MIS18A: variants seen among roughly 807,000 people sequenced by gnomAD.
MIS18A encodes protein Mis18-alpha.
In MIS18A, 14 loss-of-function variants were observed where a neutral mutation model predicts 25.0. The observed-to-expected ratio is 0.56, with a 90% confidence interval of 0.37 to 0.88. The LOEUF is 0.88. Ranked by LOEUF, MIS18A falls within the 40% of genes least tolerant of loss-of-function variation. The probability of loss-of-function intolerance (pLI) is 0.00; values close to 1 mark genes in which losing one functional copy is unlikely to be tolerated. For synonymous variants in MIS18A, 134 were observed against 118.6 expected, an observed-to-expected ratio of 1.13 and a Z score of -0.84; for missense variants, 292 against 290.8, an observed-to-expected ratio of 1.00 and a Z score of -0.03.
chr21:32,260,296 A>G, the MIS18A span: 1 of 152,198 alleles, frequency 6.6e-6, no homozygotes, highest in Non-Finnish European at 1.5e-5. Context: ...GGGAGAAATG[A>G]CATCTGACTG....
chr21:32,252,606 C>T, the MIS18A span, among the ~76,000 whole-genome samples: 1 of 152,318 alleles, frequency 6.6e-6, no homozygotes, highest in African/African-American at 2.4e-5. Context: ...ATCCCCTAGG[C>T]TCCAGCATAC....
At chr21:32,182,641 G>C in the MIS18A span, among the ~76,000 whole-genome samples, 1 of 152,146 alleles carries the variant, frequency 6.6e-6, no homozygotes, top group Non-Finnish European at 1.5e-5. Context: ...AAAGCAGACA[G>C]CCCTAGGGTG....
chr21:32,251,757 C>A, the MIS18A span, among the ~76,000 whole-genome samples: 3 of 152,204 alleles, frequency 2.0e-5, no homozygotes, highest in South Asian at 2.1e-4. Context: ...AAACTAATGT[C>A]TTTTGCCAGG....
chr21:32,201,592 G>A, the MIS18A span, among the ~76,000 whole-genome samples: 5 of 152,178 alleles, frequency 3.3e-5, no homozygotes, highest in East Asian at 3.9e-4. Flanking sequence ...AGGCCGAGGC[G>A]GGAAGATCAC....
the MIS18A span, among the ~76,000 whole-genome samples, chr21:32,197,277 A>G: frequency 7.9e-6 from 1 of 126,170 alleles, no homozygotes; most frequent in East Asian, 2.0e-4. Flanking sequence ...GTAGTTCCTT[A>G]TGTCATGCTA....
chr21:32,276,661 T>G (rs966227246), intron 1 of MIS18A, among the ~76,000 whole-genome samples: 3 of 151,786 alleles, frequency 2.0e-5, no homozygotes, highest in Non-Finnish European at 4.4e-5. Context: ...TTGGGTGCTG[T>G]AACTCACATC....
chr21:32,218,004 T>C, the MIS18A span, among the ~76,000 whole-genome samples: 1 of 151,632 alleles, frequency 6.6e-6, no homozygotes, highest in African/African-American at 2.4e-5. Context: ...CCATCCTGGC[T>C]AACATGGTGA....
At chr21:32,187,063 A>G in the MIS18A span, among the ~76,000 whole-genome samples, 1 of 152,186 alleles carries the variant, frequency 6.6e-6, no homozygotes, top group Non-Finnish European at 1.5e-5. Flanking sequence ...TGGAGCTGGC[A>G]GCCTGACACC....
chr21:32,277,663 G>T (rs1158750975), intron 1 of MIS18A, among the ~76,000 whole-genome samples: 2 of 152,118 alleles, frequency 1.3e-5, no homozygotes, highest in African/African-American at 4.8e-5. Context: ...TGTATTTTTA[G>T]TAGAGATGGG....
chr21:32,276,893 T>C (rs1432319935), intron 1 of MIS18A, among the ~76,000 whole-genome samples: 2 of 152,288 alleles, frequency 1.3e-5, no homozygotes, highest in East Asian at 3.9e-4. Context: ...ATTGCGCCAC[T>C]GTACTCCAAC....
At chr21:32,166,452 G>A in the MIS18A span, among the ~76,000 whole-genome samples, 1 of 152,150 alleles carries the variant, frequency 6.6e-6, no homozygotes, top group Non-Finnish European at 1.5e-5. Context: ...AATGCAAAAT[G>A]AGCCTGGAGT....
intron 1 of MIS18A, among the ~76,000 whole-genome samples, chr21:32,276,664 C>A (rs1161403880): frequency 2.0e-5 from 3 of 151,748 alleles, no homozygotes; most frequent in Admixed American, 6.6e-5. Flanking sequence ...GGTGCTGTAA[C>A]TCACATCTGT....
the MIS18A span, among the ~76,000 whole-genome samples, chr21:32,200,473 G>A: frequency 3.6e-5 from 5 of 140,196 alleles, no homozygotes; most frequent in Admixed American, 7.5e-5. Flanking sequence ...TCACTCTGTT[G>A]CCCAGGCTGG....
At chr21:32,202,099 G>T in the MIS18A span, among the ~76,000 whole-genome samples, 1 of 152,024 alleles carries the variant, frequency 6.6e-6, no homozygotes, top group Non-Finnish European at 1.5e-5. Context: ...GACCAACCTG[G>T]GAAACATGGC....
chr21:32,160,315 CACACACACACACACACAT>C, the MIS18A span, among the ~76,000 whole-genome samples: 2 of 151,322 alleles, frequency 1.3e-5, no homozygotes, highest in African/African-American at 4.9e-5. Context: ...CACACACACA[CACACACACACACACACAT>C]ACACCATTTC....
chr21:32,203,519 T>C, the MIS18A span, among the ~76,000 whole-genome samples: 1 of 112,706 alleles, frequency 8.9e-6, no homozygotes, highest in East Asian at 2.6e-4. Context: ...AAGGTAGTGT[T>C]ACTTTTAAAA....
chr21:32,199,200 G>A, the MIS18A span, among the ~76,000 whole-genome samples: 3 of 152,206 alleles, frequency 2.0e-5, no homozygotes, highest in African/African-American at 4.8e-5. Flanking sequence ...CTATATCTGC[G>A]CTTTTAACAG....
the MIS18A span, among the ~76,000 whole-genome samples, chr21:32,241,262 G>C: frequency 2.6e-5 from 4 of 151,234 alleles, no homozygotes; most frequent in East Asian, 7.9e-4. Flanking sequence ...TATTACGAAA[G>C]TAGAACTTCA....
chr21:32,246,477 G>A, the MIS18A span, among the ~76,000 whole-genome samples: 3 of 152,090 alleles, frequency 2.0e-5, no homozygotes, highest in East Asian at 1.9e-4. Context: ...AGTCTGGCAG[G>A]GGGGAGAGGG....
Sources: allele counts gnomAD v4.1 joint callset (sites outside exome capture counted in the v4.1 genomes callset), GRCh38; gene constraint gnomAD v4.1.1; transcripts MANE v1.5; gene names NCBI Gene and HGNC (gene_info 2026-07-23, HGNC 2026-07-21).